The following PKNOX1 variants were observed in gnomAD, a reference collection of about 807,000 sequenced individuals.
The protein encoded by PKNOX1 is homeobox protein PKNOX1.
PKNOX1 carries 15 observed loss-of-function variants against 51.9 expected under a neutral mutation model. The ratio of observed to expected loss-of-function variants is 0.29; its 90% CI spans 0.19 to 0.45. The LOEUF is 0.45. Ranked by LOEUF, PKNOX1 falls within the 20% of genes least tolerant of loss-of-function variation. PKNOX1 has a pLI of 1.00. For synonymous variants in PKNOX1, 219 were observed against 211.1 expected (o/e 1.04, Z -0.32); for missense variants, 462 against 547.5 (o/e 0.84, Z 1.56).
intron 1 of PKNOX1, among the ~76,000 whole-genome samples, chr21:42,992,707 G>A (rs759641596): frequency 5.3e-5 from 8 of 152,038 alleles, no homozygotes; most frequent in Non-Finnish European, 7.4e-5. Context: ...ACAGATTAGA[G>A]GAGGTCTTCA....
chr21:42,985,638 G>T (rs2059048366), intron 1 of PKNOX1, among the ~76,000 whole-genome samples: 1 of 151,858 alleles, frequency 6.6e-6, no homozygotes, highest in Admixed American at 6.6e-5. Flanking sequence ...TCCGGCCAGG[G>T]TCTTAAAACT....
intron 2 of PKNOX1, among the ~76,000 whole-genome samples, chr21:43,004,954 T>G (rs898598981): frequency 5.3e-5 from 8 of 152,220 alleles, no homozygotes; most frequent in Non-Finnish European, 1.0e-4. Flanking sequence ...CCTCCCACCA[T>G]AGATGAGACT....
chr21:43,030,340 AAC>A lies in PKNOX1; in HGVS notation c.*240_*241del. The A allele has an allele frequency of 2.8e-6, 1 of 352,482 alleles. No individual in the cohort carries two copies. The highest frequency in any genetic ancestry group is 5.1e-6 in the Non-Finnish European group (1 of 195,592). The allele number at this position is 352,482 out of a possible 1,614,324, so 21.8% of individuals were successfully genotyped here. On this transcript the variant is annotated 3_prime_UTR_variant, in exon 11 of 11. Transcript: ENST00000291547. ...TTTTAAAGAAATTCTTTAAAGGTTT[AAC>A]GCTAGATTGTGAGGAATGACACACC...
rs1362527761 is a variant in PKNOX1 at position 43,030,852 on chromosome 21, G to A, written c.*751G>A. The A allele has an allele frequency of 1.3e-5, 2 of 152,132 alleles. No individual in the cohort carries two copies. The highest frequency in any genetic ancestry group is 2.9e-5 in the Non-Finnish European group (2 of 68,024). 9.4% of individuals were successfully genotyped at this position (152,132 alleles called of 1,614,324 possible). A position where few individuals can be genotyped will look rare whatever the true frequency, so the allele number is the denominator to read the frequency against. On this transcript the variant is annotated 3_prime_UTR_variant, in exon 11 of 11. Transcript: ENST00000291547. ...ATGAACCTGCCCAAAGTTAGCTACC[G>A]TTCCATGGTTCTTTGCTCTCCCCGG...
In PKNOX1 at chr21:43,016,909, A is replaced by G; in HGVS notation, c.524A>G (p.Gln175Arg). ...CAACATGTGTGTTCTGACTTGCAGC[A>G]GATTCAAAGTGCCATCACAGGCACC... Reference protein sequence around the residue: ...GSPYSPVQSQQIQSAITGTIS... With the variant: ...GSPYSPVQSQRIQSAITGTIS... The change falls in exon 6 of 11, where the codon CAG (glutamine) becomes CGG (arginine). Residue 175 changes from glutamine to arginine, a missense_variant and splice_region_variant. Gln to Arg is a conservative substitution (Grantham distance 43). Transcript: ENST00000291547. The G allele has an allele frequency of 6.3e-7, 1 of 1,596,666 alleles. No individual in the cohort carries two copies. The highest frequency in any genetic ancestry group is 1.1e-5 in the South Asian group (1 of 90,454).
intron 4 of PKNOX1, among the ~76,000 whole-genome samples, chr21:43,011,688 G>C (rs1337708664): frequency 2.0e-5 from 3 of 152,160 alleles, no homozygotes; most frequent in African/African-American, 7.2e-5. Flanking sequence ...CAAAACCCTG[G>C]TTAGGGCCTT....
chr21:43,027,131 G>A (rs995915379), intron 9 of PKNOX1, among the ~76,000 whole-genome samples: 18 of 152,140 alleles, frequency 1.2e-4, no homozygotes, highest in Non-Finnish European at 2.9e-5. Flanking sequence ...TATCCAGATA[G>A]AGAAGTCTGG....
intron 1 of PKNOX1, among the ~76,000 whole-genome samples, chr21:42,990,914 G>C (rs992655206): frequency 6.6e-6 from 1 of 152,134 alleles, no homozygotes. Flanking sequence ...CGTAGATACG[G>C]AGGGCACTTC....
chr21:42,998,379 A>G (rs929912014), intron 1 of PKNOX1, among the ~76,000 whole-genome samples: 2 of 152,196 alleles, frequency 1.3e-5, no homozygotes, highest in Non-Finnish European at 2.9e-5. Context: ...GTGGGGACAC[A>G]GCCAACCATA....
In PKNOX1 at chr21:42,976,657, T is replaced by A. The variant is rs545832676; in HGVS notation, c.-57+1993T>A. Among the ~76,000 whole-genome samples the A allele has an allele frequency of 4.1e-4, 63 of 152,368 alleles. 1 individual carries two copies. In the South Asian group the frequency reaches 0.013, roughly 31 times the overall value. On this transcript the variant is annotated intron_variant, in intron 1 of 10. Transcript: ENST00000291547. ...AATAAATTCCATTTCAAGAAACCAC[T>A]TTCTTTGCTCATCCGTAAGAAGCAA... is the stretch of plus-strand genomic sequence containing the variant.
chr21:43,015,064 A>C (rs1979431961), intron 5 of PKNOX1, among the ~76,000 whole-genome samples: 1 of 152,262 alleles, frequency 6.6e-6, no homozygotes, highest in Admixed American at 6.5e-5. Flanking sequence ...AGTTTTTGAC[A>C]CATAAGTTGT....
intron 6 of PKNOX1, chr21:43,017,308 G>A (rs1195816114): frequency 1.4e-5 from 3 of 219,992 alleles, no homozygotes; most frequent in African/African-American, 6.8e-5. Flanking sequence ...GCTTTTTGTT[G>A]TGCTTTTAAT....
chr21:43,022,539 C>G (rs1979808219), intron 8 of PKNOX1, among the ~76,000 whole-genome samples: 1 of 152,112 alleles, frequency 6.6e-6, no homozygotes, highest in South Asian at 2.1e-4. Context: ...TGGGCTGCGC[C>G]TCTTCTGCTT....
intron 2 of PKNOX1, among the ~76,000 whole-genome samples, chr21:43,007,239 C>T (rs184087962): frequency 2.4e-4 from 37 of 152,304 alleles, no homozygotes; most frequent in African/African-American, 7.7e-4. Context: ...ATTAGGCCAT[C>T]GCCAGTGTTA....
chr21:43,018,214 G>A lies in PKNOX1; in HGVS notation c.704G>A (p.Arg235Lys), dbSNP rs1379514628. ...VTQTLSPGTI[R>K]IQNSQLQLQL... ...CAGACATTGTCGCCTGGGACAATTA[G>A]GATCCAGAACTCCCAGGTGCGTGCG... The change falls in exon 7 of 11, where the codon AGG (arginine) becomes AAG (lysine). Residue 235 changes from arginine (R) to lysine (K), a missense_variant. Arg to Lys is a conservative substitution (Grantham distance 26, BLOSUM62 2). Transcript: ENST00000291547. The A allele has an allele frequency of 1.2e-6, 2 of 1,613,378 alleles. No homozygotes were observed. The highest frequency in any genetic ancestry group is 1.7e-6 in the Non-Finnish European group (2 of 1,179,394).
chr21:42,987,405 ATATAT>A (rs1253182256), intron 1 of PKNOX1, among the ~76,000 whole-genome samples: 13 of 70,134 alleles, frequency 1.9e-4, no homozygotes, highest in African/African-American at 4.1e-4. Context: ...AAAAAAAAAA[ATATAT>A]ATATATATAT....
Position 43,016,329 on chromosome 21 carries a change from C to T in PKNOX1, c.523-579C>T, listed in dbSNP as rs140078428. On this transcript the variant is annotated intron_variant, in intron 5 of 10. Coordinates refer to ENST00000291547, the MANE Select transcript of PKNOX1 (RefSeq NM_004571.5). ...CATTTGCATGGGGCTCGCTGTAGGCCGGGCACAGTTCCAAGCACTGTACAA... is the reference window on the plus strand; with the variant it reads ...CATTTGCATGGGGCTCGCTGTAGGCTGGGCACAGTTCCAAGCACTGTACAA... 4.4e-3 allele frequency among the ~76,000 whole-genome samples: 676 copies of T among 152,282 alleles called. 3 individuals carry two copies. Among genetic ancestry groups the T allele is most frequent in the Non-Finnish European group, 6.5e-3 (439 of 68,026 alleles).
At chr21:43,028,298 G>A (rs552384348) in intron 9 of PKNOX1, among the ~76,000 whole-genome samples, 40 of 152,304 alleles carry the variant, frequency 2.6e-4, no homozygotes, top group African/African-American at 7.7e-4. Context: ...CAGACTGCCC[G>A]ATCGTCTCAG....
At chr21:43,025,311 T>C (rs2036994715) in intron 9 of PKNOX1, among the ~76,000 whole-genome samples, 1 of 152,222 alleles carries the variant, frequency 6.6e-6, no homozygotes, top group South Asian at 2.1e-4. Flanking sequence ...TAGAGCTGTT[T>C]CTCTAGGGTG....
Sources: allele counts gnomAD v4.1 joint callset (sites outside exome capture counted in the v4.1 genomes callset), GRCh38; gene constraint gnomAD v4.1.1; transcripts MANE v1.5; gene names NCBI Gene and HGNC (gene_info 2026-07-23, HGNC 2026-07-21).